The following MYT1L variants were observed in gnomAD, a reference collection of about 807,000 sequenced individuals.
MYT1L encodes the protein myelin transcription factor 1 like, also known as myelin transcription factor 1-like protein.
Under a neutral mutation model 126.7 loss-of-function variants are expected in MYT1L, and 12 were observed. The observed-to-expected ratio is 0.09, with a 90% CI of 0.06 to 0.15. The LOEUF is 0.15. Among genes scored for constraint, MYT1L ranks in the 10% least tolerant of loss-of-function variants. MYT1L has a pLI of 1.00. For missense variants in MYT1L, 979 were observed against 1,585.2 expected (o/e 0.62, Z 6.49); for synonymous variants, 541 against 604.2 (o/e 0.90, Z 1.53).
At chr2:1,946,673 A>G (rs1328401877) in intron 8 of MYT1L, among the ~76,000 whole-genome samples, 1 of 152,228 alleles carries the variant, frequency 6.6e-6, no homozygotes, top group Non-Finnish European at 1.5e-5. Context: ...TAATCACCAG[A>G]TAATTCAAGA....
intron 19 of MYT1L, among the ~76,000 whole-genome samples, chr2:1,847,618 GA>G (rs1361480419): frequency 6.6e-6 from 1 of 151,994 alleles, no homozygotes; most frequent in Non-Finnish European, 1.5e-5. Context: ...TGGGGGGTCG[GA>G]AAAAAGAGCA....
intron 4 of MYT1L, among the ~76,000 whole-genome samples, chr2:2,024,564 A>G (rs2065338204): frequency 6.6e-6 from 1 of 152,158 alleles, no homozygotes; most frequent in Non-Finnish European, 1.5e-5. Context: ...AACTTCATTC[A>G]CTGTAGGAAT....
At chr2:2,272,044 G>A (rs1055088446) in intron 2 of MYT1L, among the ~76,000 whole-genome samples, 2 of 152,128 alleles carry the variant, frequency 1.3e-5, no homozygotes, top group African/African-American at 4.8e-5. Context: ...GCGAGGCCTC[G>A]CCCCACCCAG....
Position 2,112,519 on chromosome 2 carries a change from G to A in MYT1L, c.-303-58396C>T, listed in dbSNP as rs1054220243. ...TGCACACGATGCAGTGTGTGGTGGG[G>A]CATTGAGACTGTAGCCACGTGGTGA... On this transcript the variant is annotated intron_variant, in intron 3 of 24. Transcript: ENST00000647738. Among the ~76,000 whole-genome samples the A allele has an allele frequency of 1.8e-4, 28 of 152,148 alleles. 1 individual carries two copies. The highest frequency in any genetic ancestry group is 6.8e-4 in the African/African-American group (28 of 41,436).
chr2:2,132,728 C>T (rs1281071532), intron 3 of MYT1L, among the ~76,000 whole-genome samples: 2 of 152,052 alleles, frequency 1.3e-5, no homozygotes, highest in Non-Finnish European at 2.9e-5. Flanking sequence ...TATCCCAGAA[C>T]TTAAAAGTAA....
chr2:1,851,751 C>T lies in MYT1L; in HGVS notation c.2712-48G>A, dbSNP rs369859664. On this transcript the variant is annotated intron_variant, in intron 18 of 24. Transcript: ENST00000647738. ...TGTTAAAATGGAAAGAAATAAAGTT[C>T]CCTGAACAATTAACTTTTTTTTAAT... 1.5e-4 allele frequency: 227 copies of T among 1,550,490 alleles called. 1 individual carries two copies. Among genetic ancestry groups the T allele is most frequent in the Non-Finnish European group, 6.5e-5 (73 of 1,124,114 alleles).
intron 2 of MYT1L, among the ~76,000 whole-genome samples, chr2:2,231,382 C>T (rs1007885193): frequency 2.6e-5 from 4 of 152,250 alleles, no homozygotes; most frequent in South Asian, 4.1e-4. Context: ...AGGTTGACTG[C>T]GTTACTGCCT....
chr2:1,947,254 G>A (rs1374678434), intron 8 of MYT1L, among the ~76,000 whole-genome samples: 3 of 152,186 alleles, frequency 2.0e-5, no homozygotes, highest in Non-Finnish European at 4.4e-5. Flanking sequence ...CACACGCACA[G>A]CCGCCCTCCT....
intron 2 of MYT1L, among the ~76,000 whole-genome samples, chr2:2,205,586 C>G (rs181690633): frequency 2.0e-5 from 3 of 152,322 alleles, no homozygotes; most frequent in East Asian, 3.9e-4. Context: ...TAGGCTTTAT[C>G]TATTTCTAAA....
At chr2:2,194,554 G>C (rs1360671274) in intron 2 of MYT1L, among the ~76,000 whole-genome samples, 1 of 152,152 alleles carries the variant, frequency 6.6e-6, no homozygotes, top group African/African-American at 2.4e-5. Context: ...GCTTTGGGCT[G>C]TGTGTACATG....
At position 1,910,659 on chromosome 2, in the gene MYT1L, A is replaced by G. The variant is rs2051835194; in HGVS notation, c.1710-312T>C. Among the ~76,000 whole-genome samples the G allele has an allele frequency of 6.6e-6, 1 of 152,176 alleles. No homozygotes were observed. Among genetic ancestry groups the G allele is most frequent in the Non-Finnish European group, 1.5e-5 (1 of 68,038 alleles). ...GGAGGACATAGCTGGTGAAAACTGTAGACAGATTCCATTTCTGGAGATGAA... is the reference window on the plus strand; with the variant it reads ...GGAGGACATAGCTGGTGAAAACTGTGGACAGATTCCATTTCTGGAGATGAA... On this transcript the variant is annotated intron_variant, in intron 12 of 24. Coordinates refer to ENST00000647738, the MANE Select transcript of MYT1L (RefSeq NM_001303052.2). This position sits in a 1 kb window ranked among gnomAD's most constrained non-coding sequence, Gnocchi z 4.8.
At position 1,790,677 on chromosome 2, in the gene MYT1L, A is replaced by C. The variant is rs2031917853; in HGVS notation, c.*1190T>G. 1 of 154,824 alleles carries C rather than the reference A, an allele frequency of 6.5e-6. No homozygotes were observed. 9.6% of individuals were successfully genotyped at this position (154,824 alleles called of 1,614,324 possible). ...TCTGAATAGGACCAAATGCTGATTC[A>C]GAGTCAAAGTCGGGCGGGGGGAGCA... On this transcript the variant is annotated 3_prime_UTR_variant, in exon 25 of 25. Coordinates refer to ENST00000647738, the MANE Select transcript of MYT1L (RefSeq NM_001303052.2).
intron 8 of MYT1L, among the ~76,000 whole-genome samples, chr2:1,958,572 G>A (rs1465914647): frequency 6.6e-6 from 1 of 152,206 alleles, no homozygotes; most frequent in Non-Finnish European, 1.5e-5. Flanking sequence ...GTGTCTCAGG[G>A]TCCTCTGGGC....
At chr2:1,808,431 G>A (rs189887971) in intron 22 of MYT1L, among the ~76,000 whole-genome samples, 98 of 152,266 alleles carry the variant, frequency 6.4e-4, no homozygotes, top group Admixed American at 1.8e-3. Context: ...CATTGCCTGC[G>A]TCTACAAATT....
At chr2:2,110,255 T>C (rs2079266703) in intron 3 of MYT1L, among the ~76,000 whole-genome samples, 1 of 152,138 alleles carries the variant, frequency 6.6e-6, no homozygotes. Flanking sequence ...AGTGCTCCAG[T>C]ACCTCCTACT....
chr2:1,796,821 C>A (rs561869475), intron 23 of MYT1L, among the ~76,000 whole-genome samples: 1 of 152,142 alleles, frequency 6.6e-6, no homozygotes, highest in Admixed American at 6.5e-5. Flanking sequence ...CAGGCCCCCA[C>A]GGTGGGGTCT....
intron 1 of MYT1L, among the ~76,000 whole-genome samples, chr2:2,308,485 C>A (rs1393647750): frequency 6.6e-6 from 1 of 151,722 alleles, no homozygotes; most frequent in East Asian, 1.9e-4. Flanking sequence ...TATCTATACT[C>A]CAACTATGCT....
At chr2:1,834,083 C>G (rs1317035806) in intron 21 of MYT1L, among the ~76,000 whole-genome samples, 1 of 152,244 alleles carries the variant, frequency 6.6e-6, no homozygotes, top group Non-Finnish European at 1.5e-5. Flanking sequence ...AGTTCTTCAT[C>G]ATCTGGCTAG....
intron 2 of MYT1L, among the ~76,000 whole-genome samples, chr2:2,200,782 G>C (rs977660738): frequency 6.6e-6 from 1 of 152,180 alleles, no homozygotes; most frequent in Non-Finnish European, 1.5e-5. Context: ...AGGGGGTTGC[G>C]CTCATGGCTG....
Sources: gnomAD v4.1 joint callset for allele counts (sites outside exome capture counted in the v4.1 genomes callset) on GRCh38, gnomAD v4.1.1 for gene constraint, Gnocchi (gnomAD v3.1) non-coding constraint, MANE v1.5 for transcripts, NCBI Gene and HGNC (gene_info 2026-07-23, HGNC 2026-07-21) for gene names.